CRIM1: variants seen among roughly 807,000 people sequenced by gnomAD.
CRIM1 encodes the protein cysteine-rich motor neuron 1 protein.
A neutral mutation model predicts 116.4 loss-of-function variants in CRIM1; 32 were observed. The observed-to-expected ratio is 0.27, with a 90% CI of 0.21 to 0.37. The LOEUF (loss-of-function observed/expected upper bound fraction) is 0.37, where lower values mean the gene tolerates loss of function less well. CRIM1 is among the 10% of genes least tolerant of loss of function. The probability of loss-of-function intolerance (pLI) is 1.00; values close to 1 mark genes in which losing one functional copy is unlikely to be tolerated. For missense variants in CRIM1, 1,331 were observed against 1,354.8 expected, an observed-to-expected ratio of 0.98 and a Z score of 0.28; for synonymous variants, 590 against 509.2, an observed-to-expected ratio of 1.16 and a Z score of -2.13.
At chr2:36,382,105 C>T (rs1670823220) in intron 1 of CRIM1, among the ~76,000 whole-genome samples, 1 of 152,192 alleles carries the variant, frequency 6.6e-6, no homozygotes, top group African/African-American at 2.4e-5. Flanking sequence ...AACCTTGTAT[C>T]CTCAACTTCC....
At chr2:36,363,846 C>T (rs374343807) in intron 1 of CRIM1, among the ~76,000 whole-genome samples, 5 of 152,124 alleles carry the variant, frequency 3.3e-5, no homozygotes, top group Middle Eastern at 3.2e-3. Flanking sequence ...AACAGCTCGA[C>T]GCCATGGGGG....
At chr2:36,531,395 T>C (rs1467311378) in intron 13 of CRIM1, among the ~76,000 whole-genome samples, 1 of 151,690 alleles carries the variant, frequency 6.6e-6, no homozygotes, top group Non-Finnish European at 1.5e-5. Flanking sequence ...TTTTGGTTTT[T>C]GGTTTTTTGT....
At chr2:36,441,177 A>T in intron 2 of CRIM1, 81 bp from the exon 3 acceptor site, 2 of 1,565,838 alleles carry the variant, frequency 1.3e-6, no homozygotes, top group Non-Finnish European at 1.7e-6. Flanking sequence ...ACTTAAATAG[A>T]TCATCAGGAC....
chr2:36,531,391 T>C (rs75179913), intron 13 of CRIM1, among the ~76,000 whole-genome samples: 5,088 of 151,772 alleles, frequency 0.034, 130 homozygotes, highest in Non-Finnish European at 0.045. Flanking sequence ...GCGTTTTTGG[T>C]TTTTGGTTTT....
intron 4 of CRIM1, among the ~76,000 whole-genome samples, chr2:36,447,223 C>T (rs1676312692): frequency 1.3e-5 from 2 of 152,172 alleles, no homozygotes; most frequent in Admixed American, 1.3e-4. Context: ...TTCAAGGCTT[C>T]AACCCAGGTT....
At chr2:36,445,004 TG>T (rs1040101984) in intron 4 of CRIM1, among the ~76,000 whole-genome samples, 1 of 152,206 alleles carries the variant, frequency 6.6e-6, no homozygotes, top group African/African-American at 2.4e-5. Flanking sequence ...AACATACTGA[TG>T]TTTTTTTGTC....
At chr2:36,533,915 A>G (rs556413933) in intron 13 of CRIM1, among the ~76,000 whole-genome samples, 3 of 142,590 alleles carry the variant, frequency 2.1e-5, no homozygotes, top group South Asian at 5.2e-4. Context: ...GGAGAGAGGA[A>G]GGGAAGGAAA....
intron 8 of CRIM1, 118 bp from the exon 9 acceptor site, chr2:36,509,865 T>A (rs1243984161): frequency 1.2e-6 from 1 of 842,144 alleles, no homozygotes; most frequent in Non-Finnish European, 1.9e-6. Context: ...AGTGCCATGG[T>A]AGAGCTGAGA....
At chr2:36,417,498 AC>A (rs1673709179) in intron 2 of CRIM1, among the ~76,000 whole-genome samples, 1 of 152,028 alleles carries the variant, frequency 6.6e-6, no homozygotes, top group Non-Finnish European at 1.5e-5. Flanking sequence ...CCTTTCTCTT[AC>A]CTTTCTTCCT....
rs1391939225 is a variant in CRIM1 at position 36,455,890 on chromosome 2, G to A, written c.870-8644G>A. Among the ~76,000 whole-genome samples the A allele has an allele frequency of 3.3e-5, 5 of 152,090 alleles. No individual in the cohort carries two copies. In the East Asian group the frequency reaches 9.6e-4, roughly 29 times the overall value. On this transcript the variant is annotated intron_variant, in intron 4 of 16. Coordinates refer to ENST00000280527, the MANE Select transcript of CRIM1 (RefSeq NM_016441.3). Reference sequence around the variant, plus strand: ...GATGAGTCCCAGAGCAGTGCTCTCTGGGGATGTGCATTCCTTGGAGGATGA... The same window carrying A: ...GATGAGTCCCAGAGCAGTGCTCTCTAGGGATGTGCATTCCTTGGAGGATGA...
intron 1 of CRIM1, among the ~76,000 whole-genome samples, chr2:36,359,634 A>ATTCC (rs1373187423): frequency 6.6e-6 from 1 of 152,206 alleles, no homozygotes; most frequent in African/African-American, 2.4e-5. Context: ...TGATTAAATA[A>ATTCC]TGTGATGAGT....
intron 2 of CRIM1, among the ~76,000 whole-genome samples, chr2:36,422,569 G>A (rs545277440): frequency 6.6e-5 from 10 of 152,252 alleles, no homozygotes; most frequent in African/African-American, 2.4e-4. Flanking sequence ...AATTTAGGTA[G>A]TAATTTACCA....
chr2:36,393,424 C>G (rs1287089885), intron 1 of CRIM1, among the ~76,000 whole-genome samples: 1 of 151,776 alleles, frequency 6.6e-6, no homozygotes, highest in Middle Eastern at 3.2e-3. Context: ...TAATTAGACA[C>G]TTTTTTTGTT....
At chr2:36,538,054 C>G (rs1240369650) in intron 14 of CRIM1, among the ~76,000 whole-genome samples, 1 of 152,218 alleles carries the variant, frequency 6.6e-6, no homozygotes, top group East Asian at 1.9e-4. Context: ...CCCAAGCCCT[C>G]AGCTGAACTG....
intron 6 of CRIM1, among the ~76,000 whole-genome samples, chr2:36,478,561 G>A (rs1464856008): frequency 6.6e-6 from 1 of 152,178 alleles, no homozygotes; most frequent in African/African-American, 2.4e-5. Context: ...CTCCCTCTCT[G>A]GCAGACTGCC....
At chr2:36,473,133 TATAAA>T (rs938323951) in intron 5 of CRIM1, among the ~76,000 whole-genome samples, 21 of 152,300 alleles carry the variant, frequency 1.4e-4, no homozygotes, top group African/African-American at 5.1e-4. Flanking sequence ...GCGGGGTTGT[TATAAA>T]ATAAATATAA....
rs201258494 is a variant in CRIM1, at chr2:36,356,199, T to TGCGGCG, written c.-84_-79dup. ...GGCGGTGAGGACCGCGGGCTGCTGGTGCGGCGGCGGCGGCGCGTGTGCCCC... is the reference window on the plus strand; with the variant it reads ...GGCGGTGAGGACCGCGGGCTGCTGGTGCGGCGGCGGCGGCGGCGGCGCGTGTGCCCC... On this transcript the variant is annotated 5_prime_UTR_variant, in exon 1 of 17. Coordinates refer to ENST00000280527, the MANE Select transcript of CRIM1 (RefSeq NM_016441.3). The surrounding 1 kb of genome is among the most constrained non-coding windows in gnomAD (Gnocchi z 4.3). The TGCGGCG allele has an allele frequency of 5.0e-5, 23 of 458,958 alleles. No homozygotes were observed. In the South Asian group the frequency reaches 9.2e-4, roughly 18 times the overall value. The allele number at this position is 458,958 out of a possible 1,614,324, so 28.4% of individuals were successfully genotyped here.
At chr2:36,545,646 C>G (rs180749860) in intron 15 of CRIM1, among the ~76,000 whole-genome samples, 1 of 152,124 alleles carries the variant, frequency 6.6e-6, no homozygotes, top group African/African-American at 2.4e-5. Context: ...CTACAAAGCT[C>G]AAAGCTAACT....
chr2:36,540,129 G>T (rs1666847934), intron 14 of CRIM1, among the ~76,000 whole-genome samples: 1 of 152,080 alleles, frequency 6.6e-6, no homozygotes, highest in Non-Finnish European at 1.5e-5. Flanking sequence ...GTGGAGAAAG[G>T]GTTTCTGGTA....
Sources: gnomAD v4.1 joint callset for allele counts (sites outside exome capture counted in the v4.1 genomes callset) on GRCh38, gnomAD v4.1.1 for gene constraint, Gnocchi (gnomAD v3.1) non-coding constraint, MANE v1.5 for transcripts, NCBI Gene and HGNC (gene_info 2026-07-23, HGNC 2026-07-21) for gene names.